The following PEX5L variants were observed in gnomAD, a reference collection of about 807,000 sequenced individuals.
PEX5L encodes PEX5-related protein.
In PEX5L, 30 loss-of-function variants were observed where a neutral mutation model predicts 84.0. That is an observed-to-expected ratio of 0.36 (90% CI 0.27 to 0.48). PEX5L has a LOEUF of 0.48. Among genes scored for constraint, PEX5L ranks in the 20% least tolerant of loss-of-function variants. The probability of loss-of-function intolerance (pLI) is 0.99; values close to 1 mark genes in which losing one functional copy is unlikely to be tolerated. For synonymous variants in PEX5L, 270 were observed against 283.1 expected (o/e 0.95, Z 0.46); for missense variants, 533 against 754.6 (o/e 0.71, Z 3.44).
chr3:179,918,771 A>G (rs976021594), intron 2 of PEX5L, among the ~76,000 whole-genome samples: 6 of 151,794 alleles, frequency 4.0e-5, no homozygotes, highest in East Asian at 1.9e-4. Flanking sequence ...TTTCTCCCTC[A>G]TCTCTCCCTC....
chr3:179,952,709 T>G (rs1363667952), intron 2 of PEX5L, among the ~76,000 whole-genome samples: 1 of 152,160 alleles, frequency 6.6e-6, no homozygotes, highest in Non-Finnish European at 1.5e-5. Context: ...GCTATCCCCA[T>G]CAAGCTATCA....
intron 2 of PEX5L, among the ~76,000 whole-genome samples, chr3:179,957,529 T>C (rs544431224): frequency 1.3e-5 from 2 of 152,274 alleles, no homozygotes; most frequent in African/African-American, 4.8e-5. Context: ...CAACTTGGGA[T>C]AAACTAGCTC....
At chr3:179,899,082 A>G (rs1760355010) in intron 2 of PEX5L, among the ~76,000 whole-genome samples, 1 of 152,004 alleles carries the variant, frequency 6.6e-6, no homozygotes, top group African/African-American at 2.4e-5. Context: ...TCCCTATGTT[A>G]TTTGTCTCAA....
At chr3:179,972,834 T>C (rs150336493) in intron 1 of PEX5L, among the ~76,000 whole-genome samples, 115 of 152,038 alleles carry the variant, frequency 7.6e-4, no homozygotes, top group Admixed American at 1.9e-3. Flanking sequence ...TTTACTGTAA[T>C]AAAGAGATTT....
intron 9 of PEX5L, among the ~76,000 whole-genome samples, chr3:179,817,433 GT>G (rs1219889369): frequency 1.3e-5 from 2 of 152,082 alleles, no homozygotes; most frequent in Non-Finnish European, 2.9e-5. Flanking sequence ...TTATTTTAAA[GT>G]TTTTGTTATC....
intron 14 of PEX5L, among the ~76,000 whole-genome samples, chr3:179,803,056 C>A (rs78833706): frequency 1.3e-5 from 2 of 152,074 alleles, no homozygotes; most frequent in Non-Finnish European, 2.9e-5. Flanking sequence ...TATGATAAAG[C>A]TAATATGTTA....
intron 2 of PEX5L, among the ~76,000 whole-genome samples, chr3:179,907,134 G>A (rs1432524555): frequency 6.6e-6 from 1 of 151,820 alleles, no homozygotes; most frequent in African/African-American, 2.4e-5. Flanking sequence ...GATTACCTTT[G>A]GAATTCTTTT....
chr3:179,816,110 A>G (rs1725978338), intron 9 of PEX5L, 106 bp from the exon 10 acceptor site: 13 of 1,088,612 alleles, frequency 1.2e-5, no homozygotes, highest in Non-Finnish European at 1.8e-5. Context: ...TGCTGGAGAG[A>G]ATGTGGAGAA....
intron 4 of PEX5L, among the ~76,000 whole-genome samples, chr3:179,883,901 G>A (rs1361507424): frequency 6.6e-6 from 1 of 152,182 alleles, no homozygotes; most frequent in Middle Eastern, 3.2e-3. Context: ...GCATAGTCAT[G>A]ATGCAAATAA....
intron 4 of PEX5L, among the ~76,000 whole-genome samples, chr3:179,882,551 AGAGTAC>A (rs1488142215): frequency 6.6e-6 from 1 of 152,224 alleles, no homozygotes; most frequent in Non-Finnish European, 1.5e-5. Context: ...AAGTCCCTGC[AGAGTAC>A]GTTTTCAAAA....
At chr3:179,978,374 C>T (rs1489606737) in intron 1 of PEX5L, among the ~76,000 whole-genome samples, 1 of 152,152 alleles carries the variant, frequency 6.6e-6, no homozygotes, top group Non-Finnish European at 1.5e-5. Context: ...GTGACATTTT[C>T]TTAAATATAC....
intron 4 of PEX5L, among the ~76,000 whole-genome samples, chr3:179,883,027 GTT>G (rs776796068): frequency 1.3e-5 from 2 of 152,156 alleles, no homozygotes; most frequent in Admixed American, 6.5e-5. Flanking sequence ...TAGCCCAGAA[GTT>G]TGAGCCAGCC....
At chr3:179,946,820 T>A (rs1226164261) in intron 2 of PEX5L, among the ~76,000 whole-genome samples, 1 of 152,228 alleles carries the variant, frequency 6.6e-6, no homozygotes, top group Non-Finnish European at 1.5e-5. Flanking sequence ...TTTCAGTTAG[T>A]GGAGGCAGCT....
chr3:179,926,385 T>C (rs1771463552), intron 2 of PEX5L, among the ~76,000 whole-genome samples: 1 of 152,180 alleles, frequency 6.6e-6, no homozygotes, highest in Admixed American at 6.5e-5. Flanking sequence ...CCAGCCACAC[T>C]TGCTGTTCTT....
At chr3:179,890,638 CTTTCTT>C (rs1464267752) in intron 3 of PEX5L, among the ~76,000 whole-genome samples, 1 of 152,096 alleles carries the variant, frequency 6.6e-6, no homozygotes, top group African/African-American at 2.4e-5. Flanking sequence ...CCCCTGTACT[CTTTCTT>C]TACTTTGGAT....
intron 2 of PEX5L, among the ~76,000 whole-genome samples, chr3:179,958,730 A>G (rs1376383760): frequency 1.3e-5 from 2 of 152,264 alleles, no homozygotes; most frequent in Non-Finnish European, 2.9e-5. Flanking sequence ...ATTCAGATAA[A>G]GGATTTAAGA....
intron 5 of PEX5L, among the ~76,000 whole-genome samples, chr3:179,877,485 G>T (rs1450560662): frequency 6.6e-6 from 1 of 151,962 alleles, no homozygotes; most frequent in African/African-American, 2.4e-5. Flanking sequence ...TTAAGACAAG[G>T]TCTCACTCTG....
chr3:179,919,106 C>G (rs9809880), intron 2 of PEX5L, among the ~76,000 whole-genome samples: 1,538 of 152,246 alleles, frequency 0.01, 25 homozygotes, highest in African/African-American at 0.035. Context: ...TTTTTGTGTA[C>G]ATCAGTTATC....
intron 1 of PEX5L, among the ~76,000 whole-genome samples, chr3:180,024,736 A>T (rs1028652734): frequency 1.3e-5 from 2 of 151,896 alleles, no homozygotes; most frequent in African/African-American, 4.8e-5. Context: ...GTAACTGGGG[A>T]GGTCAGGGCT....
Sources: gnomAD v4.1 joint callset for allele counts (sites outside exome capture counted in the v4.1 genomes callset) on GRCh38, gnomAD v4.1.1 for gene constraint, MANE v1.5 for transcripts, NCBI Gene and HGNC (gene_info 2026-07-23, HGNC 2026-07-21) for gene names.